The following SAMD5 variants were observed in gnomAD, a reference collection of about 807,000 sequenced individuals.
The protein encoded by SAMD5 is sterile alpha motif domain containing 5, also known as sterile alpha motif domain-containing protein 5.
A neutral mutation model predicts 11.3 loss-of-function variants in SAMD5; 13 were observed. The observed-to-expected ratio is 1.15, with a 90% confidence interval of 0.75 to 1.83. The LOEUF (loss-of-function observed/expected upper bound fraction) is 1.83, where lower values mean the gene tolerates loss of function less well. SAMD5 is among the 40% of genes most tolerant of loss of function. The probability of loss-of-function intolerance (pLI) is 0.00; values close to 1 mark genes in which losing one functional copy is unlikely to be tolerated. For missense variants in SAMD5, 255 were observed against 239.1 expected (o/e 1.07, Z -0.44); for synonymous variants, 129 against 111.3 (o/e 1.16, Z -1.00).
chr6:147,595,498 C>T (rs188959333), intron 1 of SAMD5, among the ~76,000 whole-genome samples: 37 of 149,730 alleles, frequency 2.5e-4, no homozygotes, highest in Middle Eastern at 7.0e-3. Context: ...CCCCCTACTC[C>T]GTTTTTAGTA....
chr6:147,900,427 G>T, the SAMD5 span, among the ~76,000 whole-genome samples: 1 of 152,184 alleles, frequency 6.6e-6, no homozygotes, highest in African/African-American at 2.4e-5. Context: ...TGCTGGAGAC[G>T]CAAAAGTGTG....
the SAMD5 span, among the ~76,000 whole-genome samples, chr6:147,817,063 TTCTGAAAGCCTTTGC>T: frequency 4.1e-3 from 629 of 152,318 alleles, 6 homozygotes; most frequent in African/African-American, 0.014. Context: ...GTTTCCTTGG[TTCTGAAAGCCTTTGC>T]TCTGAAAGCC....
chr6:147,911,559 C>T, the SAMD5 span, among the ~76,000 whole-genome samples: 4 of 152,182 alleles, frequency 2.6e-5, no homozygotes, highest in Non-Finnish European at 4.4e-5. Flanking sequence ...AATCTCTGGC[C>T]AGTCCTTTCC....
At chr6:147,747,179 C>A in the SAMD5 span, among the ~76,000 whole-genome samples, 1 of 152,196 alleles carries the variant, frequency 6.6e-6, no homozygotes, top group Non-Finnish European at 1.5e-5. Flanking sequence ...TGAGCACTGT[C>A]TCACAACATT....
the SAMD5 span, among the ~76,000 whole-genome samples, chr6:147,866,782 A>G: frequency 6.6e-6 from 1 of 151,124 alleles, no homozygotes; most frequent in Non-Finnish European, 1.5e-5. Context: ...TCTGGCTAAA[A>G]TCGTTTTAAA....
At chr6:147,639,622 G>A (rs1004445797) in intron 1 of SAMD5, among the ~76,000 whole-genome samples, 2 of 152,222 alleles carry the variant, frequency 1.3e-5, no homozygotes, top group Admixed American at 6.5e-5. Context: ...TGGAAGAATA[G>A]CAAGAGCAGA....
intron 1 of SAMD5, among the ~76,000 whole-genome samples, chr6:147,675,542 A>C (rs1028054647): frequency 2.0e-5 from 3 of 152,160 alleles, no homozygotes; most frequent in Non-Finnish European, 4.4e-5. Context: ...TTTTTTATGA[A>C]TCATTTTAAC....
chr6:147,860,204 C>G, the SAMD5 span, among the ~76,000 whole-genome samples: 1 of 152,150 alleles, frequency 6.6e-6, no homozygotes, highest in African/African-American at 2.4e-5. Context: ...ATGCATCACT[C>G]TAATCTCCGC....
At chr6:147,846,665 C>T in the SAMD5 span, among the ~76,000 whole-genome samples, 3 of 152,232 alleles carry the variant, frequency 2.0e-5, no homozygotes, top group Non-Finnish European at 2.9e-5. Flanking sequence ...ACTAAAAATA[C>T]AAAAATTAGC....
intron 1 of SAMD5, among the ~76,000 whole-genome samples, chr6:147,512,102 C>T (rs111570149): frequency 0.024 from 3,700 of 152,206 alleles, 153 homozygotes; most frequent in African/African-American, 0.084. Flanking sequence ...GGATTACAGG[C>T]ACCTGCCACC....
chr6:147,703,415 C>G (rs1583146268), intron 1 of SAMD5, among the ~76,000 whole-genome samples: 1 of 152,160 alleles, frequency 6.6e-6, no homozygotes, highest in Non-Finnish European at 1.5e-5. Context: ...TTGATTTTGA[C>G]GGTCTGCATT....
Position 147,537,596 on chromosome 6 carries a change from C to CAA in SAMD5, c.460-26790_460-26789dup, listed in dbSNP as rs34115551. ...TGAAACCCCGTCTCTACTAAAAATA[C>CAA]AAAAAAAAATTAGCGGGCGTGGTGG... is the stretch of plus-strand genomic sequence containing the variant. On this transcript the variant is annotated intron_variant, in intron 1 of 1. Transcript: ENST00000367474. Among the ~76,000 whole-genome samples, 209 of 150,794 alleles carry CAA rather than the reference C, an allele frequency of 1.4e-3. 2 individuals carry two copies. The East Asian group carries it at 0.016, about 12-fold the overall frequency.
At chr6:147,877,881 C>CGATA in the SAMD5 span, among the ~76,000 whole-genome samples, 3 of 82,324 alleles carry the variant, frequency 3.6e-5, no homozygotes, top group African/African-American at 1.4e-4. Flanking sequence ...CACACACACA[C>CGATA]GATAGATAGA....
At chr6:147,919,614 A>T in the SAMD5 span, among the ~76,000 whole-genome samples, 7 of 152,188 alleles carry the variant, frequency 4.6e-5, no homozygotes, top group Admixed American at 3.3e-4. Context: ...GGAGGAAAAA[A>T]CCACAATACT....
At chr6:147,679,645 T>G (rs1173085854) in intron 1 of SAMD5, among the ~76,000 whole-genome samples, 1 of 152,050 alleles carries the variant, frequency 6.6e-6, no homozygotes, top group Non-Finnish European at 1.5e-5. Context: ...CGAGCAGAGT[T>G]TTTAAATGTT....
the SAMD5 span, among the ~76,000 whole-genome samples, chr6:147,942,414 T>C: frequency 1.3e-5 from 2 of 152,246 alleles, no homozygotes; most frequent in African/African-American, 4.8e-5. Flanking sequence ...TGTGATCAAA[T>C]GTCCTATTCG....
chr6:147,615,852 T>C (rs1789859209), intron 1 of SAMD5, among the ~76,000 whole-genome samples: 1 of 152,214 alleles, frequency 6.6e-6, no homozygotes, highest in African/African-American at 2.4e-5. Context: ...GTTTGAAATA[T>C]ACCAAAGACA....
chr6:147,524,951 G>A (rs1309925806), intron 1 of SAMD5, among the ~76,000 whole-genome samples: 1 of 151,998 alleles, frequency 6.6e-6, no homozygotes, highest in Non-Finnish European at 1.5e-5. Context: ...GGCTTAAAGA[G>A]CTTAAGTAAC....
chr6:147,752,844 G>C, the SAMD5 span, among the ~76,000 whole-genome samples: 1 of 152,142 alleles, frequency 6.6e-6, no homozygotes, highest in Non-Finnish European at 1.5e-5. Context: ...AAGCATTTCC[G>C]AAAAGAAATA....
Sources: allele counts gnomAD v4.1 joint callset (sites outside exome capture counted in the v4.1 genomes callset), GRCh38; gene constraint gnomAD v4.1.1; transcripts MANE v1.5; gene names NCBI Gene and HGNC (gene_info 2026-07-23, HGNC 2026-07-21).